Variants in GALK2 observed in about 807,000 individuals in gnomAD.
GALK2 encodes the protein N-acetylgalactosamine kinase.
Under a neutral mutation model 52.4 loss-of-function variants are expected in GALK2, and 36 were observed. That is an observed-to-expected ratio of 0.69 (90% CI 0.53 to 0.91). The LOEUF (loss-of-function observed/expected upper bound fraction) is 0.91. GALK2 is among the 40% of genes least tolerant of loss of function. GALK2 has a pLI of 0.00. For missense variants in GALK2, 579 were observed against 559.1 expected, an observed-to-expected ratio of 1.04 and a Z score of -0.36; for synonymous variants, 176 against 199.1, an observed-to-expected ratio of 0.88 and a Z score of 0.98.
intron 8 of GALK2, among the ~76,000 whole-genome samples, chr15:49,294,433 C>T (rs896192265): frequency 4.6e-5 from 7 of 152,026 alleles, no homozygotes; most frequent in African/African-American, 1.7e-4. Flanking sequence ...TGTGGACAGA[C>T]CCAGATCACC....
At chr15:49,297,696 C>T (rs2034605873) in intron 8 of GALK2, among the ~76,000 whole-genome samples, 1 of 152,092 alleles carries the variant, frequency 6.6e-6, no homozygotes, top group Non-Finnish European at 1.5e-5. Context: ...GTCATTTCTC[C>T]ATTGGTTATT....
chr15:49,156,909 A>G (rs1396587282), intron 1 of GALK2: 2 of 445,570 alleles, frequency 4.5e-6, no homozygotes, highest in Non-Finnish European at 7.8e-6. Context: ...ATATTTTCTT[A>G]TTTTTGCATA....
intron 8 of GALK2, among the ~76,000 whole-genome samples, chr15:49,292,769 T>C (rs2034064878): frequency 6.6e-6 from 1 of 152,238 alleles, no homozygotes. Flanking sequence ...CAGGGGCTTA[T>C]AATTCAGTAA....
In GALK2 at chr15:49,239,285, G is replaced by T; in HGVS notation, c.422G>T (p.Ser141Ile). The change falls in exon 5 of 10, where the codon AGT (serine) becomes ATT (isoleucine). Residue 141 changes from serine to isoleucine, a missense_variant. Transcript: ENST00000560031. ...CTGGTAGATGGAAATATCCCACCAA[G>T]TTCTGGCCTCTCCAGCTCCAGTGCT... The part of the protein sequence containing the change: ...NCLVDGNIPP[S>I]SGLSSSSALV... 1 of 1,614,132 alleles carries T rather than the reference G, an allele frequency of 6.2e-7. No individual in the cohort carries two copies. Among genetic ancestry groups the T allele is most frequent in the Non-Finnish European group, 8.5e-7 (1 of 1,180,006 alleles).
At chr15:49,281,775 C>G (rs1247561126) in intron 5 of GALK2, among the ~76,000 whole-genome samples, 3 of 152,176 alleles carry the variant, frequency 2.0e-5, no homozygotes, top group African/African-American at 7.2e-5. Flanking sequence ...CGGTCAATAT[C>G]TTATTCCATA....
chr15:49,254,373 G>C (rs1595847646), intron 5 of GALK2, among the ~76,000 whole-genome samples: 1 of 144,222 alleles, frequency 6.9e-6, no homozygotes, highest in East Asian at 1.9e-4. Context: ...GGTTACAAAG[G>C]CATTCAGAGA....
chr15:49,200,270 C>T (rs958436074), intron 1 of GALK2, among the ~76,000 whole-genome samples: 1 of 152,032 alleles, frequency 6.6e-6, no homozygotes, highest in Non-Finnish European at 1.5e-5. Context: ...AATGATTTGC[C>T]GAACTTTGAC....
chr15:49,335,542 G>A (rs2039555022), downstream of GALK2: 4 of 1,474,992 alleles, frequency 2.7e-6, no homozygotes, highest in Non-Finnish European at 2.8e-6. Flanking sequence ...AGGAACATTT[G>A]GGAAGTAAAC....
intron 5 of GALK2, among the ~76,000 whole-genome samples, chr15:49,267,742 T>G (rs769641248): frequency 6.6e-6 from 1 of 152,226 alleles, no homozygotes; most frequent in African/African-American, 2.4e-5. Flanking sequence ...ATATTTTTCT[T>G]GAATAAATCA....
At chr15:49,304,853 C>T (rs1322052193) in intron 8 of GALK2, among the ~76,000 whole-genome samples, 1 of 152,194 alleles carries the variant, frequency 6.6e-6, no homozygotes, top group Non-Finnish European at 1.5e-5. Flanking sequence ...ATTAGACAGA[C>T]ATACTGTGAT....
intron 8 of GALK2, among the ~76,000 whole-genome samples, chr15:49,312,730 T>C (rs1261803106): frequency 6.6e-6 from 1 of 152,196 alleles, no homozygotes; most frequent in Non-Finnish European, 1.5e-5. Context: ...CCCTCAACAA[T>C]GTGTAAAAGG....
chr15:49,316,358 A>AT (rs996826661), intron 8 of GALK2, among the ~76,000 whole-genome samples: 2 of 151,964 alleles, frequency 1.3e-5, no homozygotes, highest in African/African-American at 4.8e-5. Context: ...TGAAACTTTA[A>AT]TAAGATTTAT....
chr15:49,177,184 A>G (rs2085528217), intron 1 of GALK2, among the ~76,000 whole-genome samples: 1 of 151,576 alleles, frequency 6.6e-6, no homozygotes, highest in South Asian at 2.1e-4. Context: ...CCAATCTGCT[A>G]TTTTCCCCTG....
Position 49,328,576 on chromosome 15 carries a change from C to G in GALK2, c.*417C>G. Reference sequence around the variant, plus strand: ...TTCATTTCTGGTTTCTCTTAGTATTCTTCTTCCTCAAAGTTGTAGTTGTCT... The same window carrying G: ...TTCATTTCTGGTTTCTCTTAGTATTGTTCTTCCTCAAAGTTGTAGTTGTCT... On this transcript the variant is annotated 3_prime_UTR_variant, in exon 10 of 10. Coordinates refer to ENST00000560031, the MANE Select transcript of GALK2 (RefSeq NM_002044.4). The G allele has an allele frequency of 1.2e-6, 2 of 1,602,580 alleles. No homozygotes were observed. The highest frequency in any genetic ancestry group is 1.1e-5 in the South Asian group (1 of 89,666).
At chr15:49,265,445 A>T (rs1340201966) in intron 5 of GALK2, among the ~76,000 whole-genome samples, 2 of 152,212 alleles carry the variant, frequency 1.3e-5, no homozygotes, top group Admixed American at 1.3e-4. Context: ...TTGGGTTGGG[A>T]GTGATGCGAT....
intron 3 of GALK2, among the ~76,000 whole-genome samples, chr15:49,355,898 G>A (rs1293525720): frequency 3.9e-5 from 6 of 152,070 alleles, no homozygotes; most frequent in Non-Finnish European, 5.9e-5. Context: ...TCTCTCGGCA[G>A]AAACCCTACA....
intron 5 of GALK2, among the ~76,000 whole-genome samples, chr15:49,264,271 T>C (rs1222020997): frequency 6.6e-6 from 1 of 151,974 alleles, no homozygotes; most frequent in Non-Finnish European, 1.5e-5. Context: ...GCTCATTTCT[T>C]TTTATTCTTT....
chr15:49,260,628 T>C (rs2092058619), intron 5 of GALK2, among the ~76,000 whole-genome samples: 1 of 148,368 alleles, frequency 6.7e-6, no homozygotes, highest in Non-Finnish European at 1.5e-5. Flanking sequence ...GTTTTAGACA[T>C]GAAGTCCTTG....
rs187055175 is a variant in GALK2, at chr15:49,230,078, G to A, written c.267-5773G>A. On this transcript the variant is annotated intron_variant, in intron 3 of 9. Coordinates refer to ENST00000560031, the MANE Select transcript of GALK2 (RefSeq NM_002044.4). ...CTGACAACAGCAGTTAGCACTCGTG[G>A]TGTCTGTGGGTAGGGGACATCAGAG... is the stretch of plus-strand genomic sequence containing the variant. Among the ~76,000 whole-genome samples the A allele has an allele frequency of 3.9e-5, 6 of 152,304 alleles. No individual in the cohort carries two copies. The East Asian group carries it at 1.2e-3, about 29-fold the overall frequency.
Sources: allele counts gnomAD v4.1 joint callset (sites outside exome capture counted in the v4.1 genomes callset), GRCh38; gene constraint gnomAD v4.1.1; transcripts MANE v1.5; gene names NCBI Gene and HGNC (gene_info 2026-07-23, HGNC 2026-07-21).